Variants in TRIM24 observed in about 807,000 individuals in gnomAD.
The protein encoded by TRIM24 is transcription intermediary factor 1-alpha.
In TRIM24, 29 loss-of-function variants were observed where a neutral mutation model predicts 123.9. The ratio of observed to expected loss-of-function variants is 0.23; its 90% CI spans 0.17 to 0.32. The LOEUF (loss-of-function observed/expected upper bound fraction) is 0.32. Ranked by LOEUF, TRIM24 falls within the 10% of genes least tolerant of loss-of-function variation. TRIM24 has a pLI of 1.00. For synonymous variants in TRIM24, 456 were observed against 461.1 expected (o/e 0.99, Z 0.14); for missense variants, 932 against 1,295.3 (o/e 0.72, Z 4.31).
chr7:138,505,954 C>G (rs149801085), intron 2 of TRIM24, among the ~76,000 whole-genome samples: 2 of 152,168 alleles, frequency 1.3e-5, no homozygotes, highest in African/African-American at 4.8e-5. Context: ...GATGATTCCT[C>G]TAACAGTTCC....
intron 1 of TRIM24, among the ~76,000 whole-genome samples, chr7:138,492,996 T>TA (rs1795828258): frequency 6.6e-6 from 1 of 152,186 alleles, no homozygotes; most frequent in South Asian, 2.1e-4. Context: ...TGTTTCTTCT[T>TA]CCTGCTCAAA....
chr7:138,516,626 A>G (rs1384472435), intron 3 of TRIM24, among the ~76,000 whole-genome samples: 1 of 152,044 alleles, frequency 6.6e-6, no homozygotes, highest in African/African-American at 2.4e-5. Flanking sequence ...AACTGCTGGG[A>G]TTACAAGCGT....
At chr7:138,503,969 C>A (rs1052206127) in intron 1 of TRIM24, among the ~76,000 whole-genome samples, 1 of 152,074 alleles carries the variant, frequency 6.6e-6, no homozygotes, top group Non-Finnish European at 1.5e-5. Context: ...TTGAAAATCT[C>A]CCATATGGTT....
chr7:138,580,437 G>GTGAT lies in TRIM24; in HGVS notation c.2586-123_2586-120dup, dbSNP rs1357936140. On this transcript the variant is annotated intron_variant, in intron 15 of 18. Transcript: ENST00000343526. ...CCTAGTGGTATGTGGTAAATGCTCA[G>GTGAT]TGATTAAAATTCATGCCAAATGAAC... The GTGAT allele has an allele frequency of 5.7e-6, 7 of 1,222,926 alleles. No individual in the cohort carries two copies. In the East Asian group the frequency reaches 1.6e-4, roughly 29 times the overall value. The allele number at this position is 1,222,926 out of a possible 1,614,324, so 75.8% of individuals were successfully genotyped here. A position where few individuals can be genotyped will look rare whatever the true frequency, so the allele number is the denominator to read the frequency against.
At chr7:138,482,477 T>G (rs937721860) in intron 1 of TRIM24, among the ~76,000 whole-genome samples, 1 of 152,174 alleles carries the variant, frequency 6.6e-6, no homozygotes, top group Non-Finnish European at 1.5e-5. Flanking sequence ...TTTTTTTCCT[T>G]TAAGTCAGAT....
At chr7:138,511,272 G>C (rs887213974) in intron 2 of TRIM24, among the ~76,000 whole-genome samples, 1 of 151,788 alleles carries the variant, frequency 6.6e-6, no homozygotes, top group Non-Finnish European at 1.5e-5. Flanking sequence ...CCAAAAGAGG[G>C]TGGGAGGTGC....
In TRIM24 at chr7:138,463,044, T is replaced by C. The variant is rs1047357329; in HGVS notation, c.364+2132T>C. ...GCCACCACGTCCGGCTAATTTTGTG[T>C]TTTTTTTTTTTTTTTTTTTTTTTTT... On this transcript the variant is annotated intron_variant, in intron 1 of 18. Transcript: ENST00000343526. Among the ~76,000 whole-genome samples the C allele has an allele frequency of 3.3e-3, 51 of 15,636 alleles. 1 individual carries two copies. The highest frequency in any genetic ancestry group is 9.1e-3 in the Non-Finnish European group (44 of 4,836). The allele number at this position is 15,636 out of a possible 152,430, so 10.3% of individuals were successfully genotyped here.
intron 1 of TRIM24, among the ~76,000 whole-genome samples, chr7:138,466,031 TCTCA>T (rs1795128720): frequency 6.6e-6 from 1 of 152,178 alleles, no homozygotes; most frequent in African/African-American, 2.4e-5. Flanking sequence ...TGAGACGGAG[TCTCA>T]CTCTGTCGCC....
At chr7:138,514,894 T>G in intron 2 of TRIM24, 1 of 213,904 alleles carries the variant, frequency 4.7e-6, no homozygotes, top group Non-Finnish European at 9.6e-6. Flanking sequence ...AAGACTGTAG[T>G]TATCATAAGG....
At position 138,468,047 on chromosome 7, in the gene TRIM24, C is replaced by T. The variant is rs571081385; in HGVS notation, c.364+7135C>T. On this transcript the variant is annotated intron_variant, in intron 1 of 18. Transcript: ENST00000343526. Reference sequence around the variant, plus strand: ...ACAATATTGACTAGAAGTTGAATTTCAGTATTAAATGAGAAAGGATTTCCT... The same window carrying T: ...ACAATATTGACTAGAAGTTGAATTTTAGTATTAAATGAGAAAGGATTTCCT... Among the ~76,000 whole-genome samples the T allele has an allele frequency of 1.1e-3, 169 of 152,238 alleles. 1 individual carries two copies. In the Middle Eastern group the frequency reaches 0.017, roughly 15 times the overall value.
At chr7:138,508,662 AGTGTGTGTGTGT>A (rs781643258) in intron 2 of TRIM24, among the ~76,000 whole-genome samples, 20 of 112,852 alleles carry the variant, frequency 1.8e-4, no homozygotes, top group African/African-American at 8.8e-5. Context: ...TAATAAGAGG[AGTGTGTGTGTGT>A]GTGTGTGTGT....
Position 138,588,381 on chromosome 7 carries a change from T to C in TRIM24, c.*3430T>C, listed in dbSNP as rs1157464112. 1 of 152,182 alleles carries C rather than the reference T, an allele frequency of 6.6e-6. No individual in the cohort carries two copies. Among genetic ancestry groups the C allele is most frequent in the Non-Finnish European group, 1.5e-5 (1 of 68,036 alleles). 9.4% of individuals were successfully genotyped at this position (152,182 alleles called of 1,614,324 possible). On this transcript the variant is annotated 3_prime_UTR_variant, in exon 19 of 19. Coordinates refer to ENST00000343526, the MANE Select transcript of TRIM24 (RefSeq NM_015905.3). Reference sequence around the variant, plus strand: ...ATGTATTTGTTGTGAATGAGAGAAATTGAGTGATCTGATTGGCCATTAAAA... The same window carrying C: ...ATGTATTTGTTGTGAATGAGAGAAACTGAGTGATCTGATTGGCCATTAAAA...
In TRIM24 at chr7:138,507,554, C is replaced by A. The variant is rs1244355345; in HGVS notation, c.483+3146C>A. Among the ~76,000 whole-genome samples, 6 of 152,022 alleles carry A rather than the reference C, an allele frequency of 3.9e-5. No homozygotes were observed. In the East Asian group the frequency reaches 1.2e-3, roughly 29 times the overall value. On this transcript the variant is annotated intron_variant, in intron 2 of 18. Coordinates refer to ENST00000343526, the MANE Select transcript of TRIM24 (RefSeq NM_015905.3). ...GCCAGACTGGTTGCAAACTCCTGAC[C>A]TCAGGTGGTCCACCCACCTCAGCCT...
Position 138,584,453 on chromosome 7 carries a change from A to T in TRIM24, c.2944-289A>T, listed in dbSNP as rs534270352. 4.6e-5 allele frequency among the ~76,000 whole-genome samples: 7 copies of T among 152,206 alleles called. No individual in the cohort carries two copies. In the South Asian group the frequency reaches 1.4e-3, roughly 32 times the overall value. On this transcript the variant is annotated intron_variant, in intron 18 of 18. Transcript: ENST00000343526. ...ACTACATTTAATTTGTTCTAAAAAT[A>T]CCTGGTTCATGATCCTATGGTTATG... is the stretch of plus-strand genomic sequence containing the variant.
At chr7:138,545,541 A>G in intron 7 of TRIM24, 1 of 456,680 alleles carries the variant, frequency 2.2e-6, no homozygotes, top group South Asian at 1.5e-5. Context: ...TAAGAGTACA[A>G]GTATGAACTT....
rs769616386 is a variant in TRIM24, at chr7:138,551,122, C to A, written c.1203C>A (p.Asn401Lys). 14 of 1,613,822 alleles carry A rather than the reference C, an allele frequency of 8.7e-6. No individual in the cohort carries two copies. The highest frequency in any genetic ancestry group is 1.2e-5 in the Non-Finnish European group (14 of 1,179,848). Residue 401 changes from asparagine (N) to lysine (K), a missense_variant, in exon 8 of 19, where the codon AAC (asparagine) becomes AAA (lysine). Asn to Lys is a moderately conservative substitution (Grantham distance 94). Around this residue, in one of 7 missense-constraint regions of TRIM24, gnomAD observed 527 missense variants for 691.3 expected, o/e 0.76. Transcript: ENST00000343526. ...GGTGTGATGCATCCCCAGTGACCAA[C>A]AACACCATCCAATTTCACTGTGATC... is the stretch of plus-strand genomic sequence containing the variant. ...RARCDASPVT[N>K]NTIQFHCDPS...
intron 1 of TRIM24, among the ~76,000 whole-genome samples, chr7:138,463,420 C>T (rs561105478): frequency 1.3e-4 from 19 of 151,994 alleles, no homozygotes; most frequent in Non-Finnish European, 2.2e-4. Context: ...TTAGTAGAGA[C>T]GGAGTTTTGC....
intron 10 of TRIM24, 118 bp from the exon 11 acceptor site, chr7:138,570,712 C>A: frequency 3.3e-5 from 27 of 822,768 alleles, no homozygotes; most frequent in Middle Eastern, 3.6e-4. Context: ...CTGTCCCATT[C>A]TCCTTCCATG....
intron 1 of TRIM24, among the ~76,000 whole-genome samples, chr7:138,491,872 G>C (rs191587341): frequency 6.6e-6 from 1 of 151,792 alleles, no homozygotes; most frequent in African/African-American, 2.4e-5. Flanking sequence ...TAGTGGGTGT[G>C]AAGTGGTAAT....
Sources: gnomAD v4.1 joint callset for allele counts (sites outside exome capture counted in the v4.1 genomes callset) on GRCh38, gnomAD v4.1.1 for gene constraint, gnomAD v4.1.1 regional missense constraint, MANE v1.5 for transcripts, NCBI Gene and HGNC (gene_info 2026-07-23, HGNC 2026-07-21) for gene names.